Variants in PLEKHA5 observed in about 807,000 individuals in gnomAD.
PLEKHA5 encodes the protein pleckstrin homology domain containing A5, also known as pleckstrin homology domain-containing family A member 5.
PLEKHA5 carries 55 observed loss-of-function variants against 181.9 expected under a neutral mutation model. That is an observed-to-expected ratio of 0.30 (90% confidence interval 0.24 to 0.38). The LOEUF (loss-of-function observed/expected upper bound fraction) is 0.38, where lower values mean the gene tolerates loss of function less well. Ranked by LOEUF, PLEKHA5 falls within the 10% of genes least tolerant of loss-of-function variation. The probability of loss-of-function intolerance (pLI) is 1.00; values close to 1 mark genes in which losing one functional copy is unlikely to be tolerated. For missense variants in PLEKHA5, 1,432 were observed against 1,549.5 expected (o/e 0.92, Z 1.27); for synonymous variants, 535 against 529.4 (o/e 1.01, Z -0.15).
At chr12:19,323,897 G>T (rs185739434) in intron 20 of PLEKHA5, among the ~76,000 whole-genome samples, 17 of 151,888 alleles carry the variant, frequency 1.1e-4, no homozygotes, top group Admixed American at 1.3e-4. Context: ...TGAGTCTCTT[G>T]GAATTACCAA....
intron 18 of PLEKHA5, among the ~76,000 whole-genome samples, chr12:19,321,331 C>A (rs1336076057): frequency 6.9e-6 from 1 of 144,036 alleles, no homozygotes; most frequent in Non-Finnish European, 1.5e-5. Context: ...ACTCATTATA[C>A]CCCCTTTTCT....
chr12:19,373,213 C>T (rs149782622), intron 31 of PLEKHA5: 1 of 151,968 alleles, frequency 6.6e-6, no homozygotes, highest in East Asian at 1.9e-4. Flanking sequence ...AACCCCATCT[C>T]TACTTAAAAA....
intron 13 of PLEKHA5, among the ~76,000 whole-genome samples, chr12:19,290,412 C>T (rs1310048624): frequency 1.2e-4 from 18 of 152,066 alleles, no homozygotes; most frequent in Admixed American, 1.2e-3. Context: ...CTTTTTTGTA[C>T]TTAACATTTA....
Position 19,204,842 on chromosome 12 carries a change from T to G in PLEKHA5, c.228-49098T>G, listed in dbSNP as rs528180203. On this transcript the variant is annotated intron_variant, in intron 3 of 31. Transcript: ENST00000429027. ...AAATACCACTGCATAGTTTTCAGAT[T>G]GTTTTACTTGGTGAACAGGCAAGAG... is the stretch of plus-strand genomic sequence containing the variant. 4.6e-5 allele frequency among the ~76,000 whole-genome samples: 7 copies of G among 152,274 alleles called. No homozygotes were observed. The South Asian group carries it at 1.4e-3, about 32-fold the overall frequency.
chr12:19,193,639 C>A (rs1240307546), intron 3 of PLEKHA5, among the ~76,000 whole-genome samples: 1 of 152,152 alleles, frequency 6.6e-6, no homozygotes, highest in Non-Finnish European at 1.5e-5. Flanking sequence ...CCCAGCACAT[C>A]GTACCTACGA....
intron 3 of PLEKHA5, among the ~76,000 whole-genome samples, chr12:19,154,874 A>T (rs1302256215): frequency 6.6e-6 from 1 of 152,210 alleles, no homozygotes; most frequent in Non-Finnish European, 1.5e-5. Context: ...CTTTGCCCTG[A>T]AGGATTTCAT....
intron 3 of PLEKHA5, 128 bp downstream of exon 3, chr12:19,132,578 C>T (rs898464496): frequency 1.6e-6 from 1 of 606,540 alleles, no homozygotes; most frequent in Non-Finnish European, 2.9e-6. Flanking sequence ...TGACTGTATT[C>T]TTTATTTTGT....
At chr12:19,326,010 AAAAATAAAATAAATAAAAT>A (rs1482660794) in intron 20 of PLEKHA5, among the ~76,000 whole-genome samples, 14 of 152,150 alleles carry the variant, frequency 9.2e-5, no homozygotes, top group East Asian at 7.7e-4. Context: ...TCTGTCTCAA[AAAAATAAAATAAATAAAAT>A]AAAATAAAAT....
At chr12:19,283,841 G>T (rs895420919) in intron 12 of PLEKHA5, 96 bp downstream of exon 12, 3 of 726,484 alleles carry the variant, frequency 4.1e-6, no homozygotes, top group Non-Finnish European at 6.7e-6. Context: ...CAAAAGAATG[G>T]GGATAAAGTA....
chr12:19,180,916 G>C lies in PLEKHA5; in HGVS notation c.227+48466G>C, dbSNP rs543689803. ...CTAAGCTCACCCGAGACCCAAGTCA[G>C]ACACCTCTGGTGTGGAGCCTGGGGA... On this transcript the variant is annotated intron_variant, in intron 3 of 31. Transcript: ENST00000429027. Among the ~76,000 whole-genome samples the C allele has an allele frequency of 4.6e-5, 7 of 151,406 alleles. No individual in the cohort carries two copies. The South Asian group carries it at 1.5e-3, about 32-fold the overall frequency.
intron 3 of PLEKHA5, among the ~76,000 whole-genome samples, chr12:19,222,209 T>G (rs975199706): frequency 1.3e-5 from 2 of 152,182 alleles, no homozygotes; most frequent in African/African-American, 2.4e-5. Flanking sequence ...CAGCTTTCTT[T>G]GAGATTATCA....
At chr12:19,363,234 C>T (rs1416078421) in intron 29 of PLEKHA5, among the ~76,000 whole-genome samples, 1 of 151,486 alleles carries the variant, frequency 6.6e-6, no homozygotes, top group Admixed American at 6.6e-5. Flanking sequence ...CGGAGGGAAC[C>T]TCTGCCTCCT....
chr12:19,134,595 T>C (rs758180779), intron 3 of PLEKHA5, among the ~76,000 whole-genome samples: 1 of 152,188 alleles, frequency 6.6e-6, no homozygotes, highest in Non-Finnish European at 1.5e-5. Flanking sequence ...AAATCCCTAA[T>C]GTGCACTGTA....
chr12:19,321,643 GATAC>G (rs1310999304), intron 18 of PLEKHA5: 1 of 151,090 alleles, frequency 6.6e-6, no homozygotes, highest in Non-Finnish European at 1.5e-5. Context: ...AAAGTGCAGA[GATAC>G]GGGGGTGAGC....
intron 15 of PLEKHA5, among the ~76,000 whole-genome samples, chr12:19,298,158 C>T (rs1015759149): frequency 6.6e-6 from 1 of 151,996 alleles, no homozygotes; most frequent in East Asian, 1.9e-4. Flanking sequence ...GAGATCGCAC[C>T]ACTGCACTCC....
chr12:19,290,825 G>A (rs1235961853), intron 14 of PLEKHA5, 29 bp downstream of exon 14: 16 of 1,507,548 alleles, frequency 1.1e-5, no homozygotes, highest in African/African-American at 5.5e-5. Flanking sequence ...TGTCTGTGTC[G>A]TCTGCCATCA....
At chr12:19,317,428 A>G (rs1279346541) in intron 16 of PLEKHA5, among the ~76,000 whole-genome samples, 1 of 150,668 alleles carries the variant, frequency 6.6e-6, no homozygotes, top group African/African-American at 2.4e-5. Context: ...CATAGTTTTT[A>G]TAACATGATT....
chr12:19,324,409 TGTGA>T (rs927943412), intron 20 of PLEKHA5, among the ~76,000 whole-genome samples: 2 of 152,200 alleles, frequency 1.3e-5, no homozygotes, highest in Non-Finnish European at 2.9e-5. Context: ...TCCTTTCCAT[TGTGA>T]GTATCTTGAA....
At chr12:19,305,550 CTG>C (rs1313790788) in intron 15 of PLEKHA5, among the ~76,000 whole-genome samples, 3 of 93,164 alleles carry the variant, frequency 3.2e-5, no homozygotes, top group African/African-American at 1.1e-4. Flanking sequence ...GACAGCGAGA[CTG>C]TGTCTCAAAA....
Sources: gnomAD v4.1 joint callset for allele counts (sites outside exome capture counted in the v4.1 genomes callset) on GRCh38, gnomAD v4.1.1 for gene constraint, MANE v1.5 for transcripts, NCBI Gene and HGNC (gene_info 2026-07-23, HGNC 2026-07-21) for gene names.